Variants in IL1RAPL1 observed in about 807,000 individuals in gnomAD.
IL1RAPL1 encodes interleukin 1 receptor accessory protein like 1.
Under a neutral mutation model 48.4 loss-of-function variants are expected in IL1RAPL1, and 3 were observed. The ratio of observed to expected loss-of-function variants is 0.06; its 90% confidence interval spans 0.03 to 0.16. The LOEUF (loss-of-function observed/expected upper bound fraction) is 0.16, where lower values mean the gene tolerates loss of function less well. IL1RAPL1 is among the 10% of genes least tolerant of loss of function. The pLI is 1.00. For missense variants in IL1RAPL1, 349 were observed against 530.6 expected (o/e 0.66, Z 3.36); for synonymous variants, 185 against 187.7 (o/e 0.99, Z 0.12).
At chrX:28,981,323 T>G (rs1369072058) in intron 2 of IL1RAPL1, among the ~76,000 whole-genome samples, 3 of 108,574 alleles carry the variant, frequency 2.8e-5, no homozygotes, top group Non-Finnish European at 5.7e-5. Flanking sequence ...TTTAACTTAA[T>G]ACACCTGAAA....
At chrX:29,027,352 C>T (rs1038843998) in intron 2 of IL1RAPL1, among the ~76,000 whole-genome samples, 2 of 111,913 alleles carry the variant, frequency 1.8e-5, no homozygotes, top group Admixed American at 9.5e-5. Flanking sequence ...GTTTTTTCCA[C>T]GTCTTTTCTT....
chrX:28,618,469 A>C (rs1934246764), intron 1 of IL1RAPL1, among the ~76,000 whole-genome samples: 1 of 112,183 alleles, frequency 8.9e-6, no homozygotes, highest in East Asian at 2.8e-4. Context: ...TTAACAATAA[A>C]GCTCTTAGGA....
intron 2 of IL1RAPL1, among the ~76,000 whole-genome samples, chrX:29,138,366 A>G (rs1172950533): frequency 1.8e-5 from 2 of 112,419 alleles, no homozygotes; most frequent in African/African-American, 6.5e-5. Flanking sequence ...GCTAATTTGC[A>G]TTTTAGCATC....
At chrX:29,055,177 G>A (rs1307597520) in intron 2 of IL1RAPL1, among the ~76,000 whole-genome samples, 2 of 111,274 alleles carry the variant, frequency 1.8e-5, no homozygotes, top group Non-Finnish European at 3.8e-5. Context: ...CTATTCCTCA[G>A]TTTTGTTTTT....
At chrX:29,060,282 C>T (rs1170233628) in intron 2 of IL1RAPL1, among the ~76,000 whole-genome samples, 1 of 111,668 alleles carries the variant, frequency 9.0e-6, no homozygotes, top group Non-Finnish European at 1.9e-5. Context: ...AGAAGTAAGT[C>T]ATTTCATTAT....
chrX:28,964,737 T>G (rs1314300138), intron 2 of IL1RAPL1, among the ~76,000 whole-genome samples: 1 of 111,841 alleles, frequency 8.9e-6, no homozygotes, highest in East Asian at 2.8e-4. Flanking sequence ...TCTTGGCATC[T>G]CAAAATGTTC....
chrX:29,790,481 A>C (rs1369353015), intron 6 of IL1RAPL1, among the ~76,000 whole-genome samples: 3 of 112,176 alleles, frequency 2.7e-5, no homozygotes, highest in Admixed American at 9.5e-5. Flanking sequence ...AAATGCCTAA[A>C]CATCTTGTAT....
At chrX:29,236,306 G>A (rs1009272556) in intron 2 of IL1RAPL1, among the ~76,000 whole-genome samples, 1 of 111,329 alleles carries the variant, frequency 9.0e-6, no homozygotes, top group Non-Finnish European at 1.9e-5. Flanking sequence ...TGTGATTAAT[G>A]TTACTAAAGT....
In IL1RAPL1 at chrX:29,633,982, C is replaced by A. The variant is rs762649514; in HGVS notation, c.704-34448C>A. On this transcript the variant is annotated intron_variant, in intron 5 of 10. Transcript: ENST00000378993. ...GCCATTTTGGGGGCTACTAATTAAT[C>A]CACTACAGTGTTCCTTCCCCAAACC... Among the ~76,000 whole-genome samples, 68 of 111,575 alleles carry A rather than the reference C, an allele frequency of 6.1e-4. 1 individual carries two copies. The highest frequency in any genetic ancestry group is 1.1e-3 in the Non-Finnish European group (56 of 53,130).
chrX:28,712,616 C>T (rs1243237677), intron 1 of IL1RAPL1, among the ~76,000 whole-genome samples: 1 of 110,661 alleles, frequency 9.0e-6, no homozygotes, highest in East Asian at 2.8e-4. Context: ...TTTGATTTAC[C>T]CAATAAAATC....
intron 5 of IL1RAPL1, among the ~76,000 whole-genome samples, chrX:29,497,545 T>C (rs1377695741): frequency 9.0e-6 from 1 of 111,524 alleles, no homozygotes; most frequent in Non-Finnish European, 1.9e-5. Context: ...TTCAGCACTG[T>C]CAGTTTTCTA....
chrX:29,800,830 C>CAAAAAAAAA (rs368811843), intron 6 of IL1RAPL1, among the ~76,000 whole-genome samples: 2 of 36,336 alleles, frequency 5.5e-5, no homozygotes, highest in Non-Finnish European at 9.4e-5. Context: ...ACTAAAAATA[C>CAAAAAAAAA]AAAAAAAAAA....
At position 28,737,173 on chromosome X, in the gene IL1RAPL1, C is replaced by CTTT. The variant is rs1569161832; in HGVS notation, c.-24-52147_-24-52146insTTT. Among the ~76,000 whole-genome samples the CTTT allele has an allele frequency of 1.7e-3, 127 of 74,623 alleles. 3 individuals carry two copies. Among genetic ancestry groups the CTTT allele is most frequent in the African/African-American group, 6.7e-3 (122 of 18,141 alleles). The allele number at this position is 74,623 out of a possible 115,157, so 64.8% of individuals were successfully genotyped here. A position where few individuals can be genotyped will look rare whatever the true frequency, so the allele number is the denominator to read the frequency against. ...TCCTTCCTTCCTTCCTTCCTTCCTT[C>CTTT]CTTCCTTTCTTTCCTTTCTCTTTCT... On this transcript the variant is annotated intron_variant, in intron 1 of 10. Transcript: ENST00000378993.
At chrX:29,889,162 C>G in intron 6 of IL1RAPL1, among the ~76,000 whole-genome samples, 1 of 111,725 alleles carries the variant, frequency 9.0e-6, no homozygotes, top group Middle Eastern at 4.6e-3. Context: ...GTGTGCCAGA[C>G]ACTAAAATTG....
Position 29,321,417 on chromosome X carries a change from G to A in IL1RAPL1, c.362+38200G>A, listed in dbSNP as rs1045609886. 7.1e-5 allele frequency among the ~76,000 whole-genome samples: 8 copies of A among 112,013 alleles called. No individual in the cohort carries two copies. In the East Asian group the frequency reaches 2.2e-3, roughly 31 times the overall value. ...TGAAGCCATTTACAATTGTTAAAAG[G>A]AAGCAACCCTTTAGTATAAATAATG... On this transcript the variant is annotated intron_variant, in intron 3 of 10. Coordinates refer to ENST00000378993, the MANE Select transcript of IL1RAPL1 (RefSeq NM_014271.4).
chrX:29,216,786 A>G lies in IL1RAPL1; in HGVS notation c.83-66152A>G, dbSNP rs138951693. 6.2e-3 allele frequency among the ~76,000 whole-genome samples: 698 copies of G among 112,014 alleles called. 4 individuals carry two copies. The highest frequency in any genetic ancestry group is 0.028 in the Middle Eastern group (6 of 218). On this transcript the variant is annotated intron_variant, in intron 2 of 10. Coordinates refer to ENST00000378993, the MANE Select transcript of IL1RAPL1 (RefSeq NM_014271.4). The stretch of plus-strand genomic sequence containing the variant: ...TGCTCAAAGTAGACAATGAGATTCA[A>G]TGGGTTAGAGCATGAGTCTTTAATA...
intron 2 of IL1RAPL1, among the ~76,000 whole-genome samples, chrX:28,864,767 C>T (rs757005791): frequency 1.3e-4 from 14 of 111,424 alleles, no homozygotes; most frequent in Admixed American, 4.8e-4. Context: ...TTTAGGGCCT[C>T]GTGGGCTGTT....
At chrX:29,263,872 G>A (rs960035036) in intron 2 of IL1RAPL1, among the ~76,000 whole-genome samples, 4 of 32,746 alleles carry the variant, frequency 1.2e-4, no homozygotes, top group Non-Finnish European at 1.9e-4. Context: ...CCCCCCCCCC[G>A]CTCTCATAGA....
intron 2 of IL1RAPL1, among the ~76,000 whole-genome samples, chrX:28,897,791 T>A (rs748194965): frequency 1.8e-5 from 2 of 111,551 alleles, no homozygotes; most frequent in South Asian, 7.6e-4. Context: ...TGGGTGCAGG[T>A]GGGCCGAGTC....
Sources: allele counts gnomAD v4.1 joint callset (sites outside exome capture counted in the v4.1 genomes callset), GRCh38; gene constraint gnomAD v4.1.1; transcripts MANE v1.5; gene names NCBI Gene and HGNC (gene_info 2026-07-23, HGNC 2026-07-21).